PLD5: variants seen among roughly 807,000 people sequenced by gnomAD.
The protein encoded by PLD5 is inactive phospholipase D5.
PLD5 carries 36 observed loss-of-function variants against 61.1 expected under a neutral mutation model. That is an observed-to-expected ratio of 0.59 (90% CI 0.45 to 0.78). The LOEUF is 0.78. PLD5 is among the 30% of genes least tolerant of loss of function. The probability of loss-of-function intolerance (pLI) is 0.00; values close to 1 mark genes in which losing one functional copy is unlikely to be tolerated. For missense variants in PLD5, 515 were observed against 644.4 expected, an observed-to-expected ratio of 0.80 and a Z score of 2.17; for synonymous variants, 243 against 242.8, an observed-to-expected ratio of 1.00 and a Z score of -0.01.
At chr1:242,193,962 G>GAT (rs1464806776) in intron 5 of PLD5, among the ~76,000 whole-genome samples, 7 of 152,180 alleles carry the variant, frequency 4.6e-5, no homozygotes, top group Non-Finnish European at 7.3e-5. Flanking sequence ...CTTCCAAGGG[G>GAT]CTAACAAGCT....
intron 1 of PLD5, among the ~76,000 whole-genome samples, chr1:242,518,220 A>G (rs778680618): frequency 1.2e-4 from 18 of 152,202 alleles, no homozygotes; most frequent in Non-Finnish European, 2.5e-4. Flanking sequence ...TTGTGATTTT[A>G]GAAACTGGGC....
At chr1:242,141,446 T>C (rs569738706) in intron 5 of PLD5, among the ~76,000 whole-genome samples, 1 of 152,320 alleles carries the variant, frequency 6.6e-6, no homozygotes, top group African/African-American at 2.4e-5. Context: ...ATTGATCTGA[T>C]TTCTGACTCC....
intron 4 of PLD5, among the ~76,000 whole-genome samples, chr1:242,225,748 A>C (rs1670901839): frequency 6.6e-6 from 1 of 152,244 alleles, no homozygotes; most frequent in Non-Finnish European, 1.5e-5. Flanking sequence ...ATTGTATGGA[A>C]GGCACCACAG....
At chr1:242,431,566 A>G (rs2796077) in intron 1 of PLD5, among the ~76,000 whole-genome samples, 93,970 of 152,152 alleles carry the variant, frequency 0.62, 30,435 homozygotes, top group African/African-American at 0.82. Context: ...TCTCATCCAC[A>G]GCTTATTTAC....
chr1:242,243,194 C>T (rs977921438), intron 4 of PLD5, among the ~76,000 whole-genome samples: 3 of 152,148 alleles, frequency 2.0e-5, no homozygotes, highest in African/African-American at 4.8e-5. Context: ...CTTACGCGAG[C>T]GTAAAGGCTG....
intron 5 of PLD5, among the ~76,000 whole-genome samples, chr1:242,141,752 G>T (rs917962437): frequency 6.6e-6 from 1 of 152,102 alleles, no homozygotes; most frequent in Non-Finnish European, 1.5e-5. Context: ...GAAGGGAAGG[G>T]GAAAGCTATG....
intron 5 of PLD5, among the ~76,000 whole-genome samples, chr1:242,153,570 T>C (rs1665109727): frequency 6.6e-6 from 1 of 152,168 alleles, no homozygotes. Flanking sequence ...TCTACATATA[T>C]GGCTAGCCAG....
chr1:242,100,892 G>A, intron 8 of PLD5, 110 bp from the exon 9 acceptor site: 1 of 697,874 alleles, frequency 1.4e-6, no homozygotes, highest in Non-Finnish European at 2.4e-6. Flanking sequence ...CTCAAGTTGG[G>A]TTATGAAAGC....
intron 2 of PLD5, among the ~76,000 whole-genome samples, chr1:242,345,143 A>T (rs1660056495): frequency 6.6e-6 from 1 of 152,164 alleles, no homozygotes. Flanking sequence ...GCACAGCCAA[A>T]CCATATCACC....
At chr1:242,140,447 C>A (rs1424975291) in intron 5 of PLD5, among the ~76,000 whole-genome samples, 1 of 26,478 alleles carries the variant, frequency 3.8e-5, no homozygotes, top group African/African-American at 2.9e-4. Flanking sequence ...AGTTCGAGAC[C>A]AGCCTGGGTT....
At chr1:242,449,906 G>A (rs1301266686) in intron 1 of PLD5, among the ~76,000 whole-genome samples, 1 of 152,184 alleles carries the variant, frequency 6.6e-6, no homozygotes, top group Non-Finnish European at 1.5e-5. Flanking sequence ...GTCATCGGTG[G>A]GTGTTTGCTA....
At chr1:242,185,948 T>C (rs1318719072) in intron 5 of PLD5, among the ~76,000 whole-genome samples, 4 of 151,938 alleles carry the variant, frequency 2.6e-5, no homozygotes, top group Non-Finnish European at 1.5e-5. Context: ...AAACTCAGAG[T>C]GATTACCCAG....
intron 5 of PLD5, among the ~76,000 whole-genome samples, chr1:242,190,494 C>T (rs1002159949): frequency 2.0e-5 from 3 of 151,992 alleles, no homozygotes; most frequent in East Asian, 1.9e-4. Flanking sequence ...ATGTGACTAT[C>T]GTGTATTCTT....
intron 1 of PLD5, among the ~76,000 whole-genome samples, chr1:242,492,654 A>C (rs559934981): frequency 2.6e-5 from 4 of 152,320 alleles, no homozygotes; most frequent in Admixed American, 2.6e-4. Context: ...GTCTTAGTCC[A>C]GGCTGCGATA....
intron 3 of PLD5, among the ~76,000 whole-genome samples, chr1:242,285,350 T>C (rs1458752003): frequency 7.2e-5 from 11 of 152,066 alleles, no homozygotes; most frequent in Non-Finnish European, 1.5e-5. Flanking sequence ...ATACAAAAAT[T>C]AGCTTGGTGT....
At chr1:242,180,096 G>A (rs1422118849) in intron 5 of PLD5, among the ~76,000 whole-genome samples, 2 of 152,124 alleles carry the variant, frequency 1.3e-5, no homozygotes, top group South Asian at 4.1e-4. Context: ...GGTAGTGAGT[G>A]GTACACACAG....
chr1:242,412,554 T>C (rs984588337), intron 1 of PLD5, among the ~76,000 whole-genome samples: 5 of 152,218 alleles, frequency 3.3e-5, no homozygotes, highest in South Asian at 2.1e-4. Context: ...TTCAAAACTA[T>C]GTATATGAAA....
At position 242,338,660 on chromosome 1, in the gene PLD5, A is replaced by G. The variant is rs1220436903; in HGVS notation, c.326+9446T>C. Among the ~76,000 whole-genome samples the G allele has an allele frequency of 2.0e-5, 3 of 152,160 alleles. No homozygotes were observed. In the East Asian group the frequency reaches 5.8e-4, roughly 29 times the overall value. On this transcript the variant is annotated intron_variant, in intron 2 of 9. Coordinates refer to ENST00000536534, the MANE Select transcript of PLD5 (RefSeq NM_001372062.1). ...TTCGGATTTCCTCCTTTAAATATTA[A>G]ATGCTAAAGATGAAACATTATTTTT... is the stretch of plus-strand genomic sequence containing the variant.
intron 2 of PLD5, among the ~76,000 whole-genome samples, chr1:242,318,997 C>G (rs1034729127): frequency 6.6e-6 from 1 of 152,110 alleles, no homozygotes; most frequent in African/African-American, 2.4e-5. Flanking sequence ...TCAGTCTCCC[C>G]TGATGTCACT....
Sources: allele counts gnomAD v4.1 joint callset (sites outside exome capture counted in the v4.1 genomes callset), GRCh38; gene constraint gnomAD v4.1.1; transcripts MANE v1.5; gene names NCBI Gene and HGNC (gene_info 2026-07-23, HGNC 2026-07-21).